Variants in C4orf17 observed in about 807,000 individuals in gnomAD.
C4orf17 encodes uncharacterized protein C4orf17.
Under a neutral mutation model 32.0 loss-of-function variants are expected in C4orf17, and 25 were observed. The ratio of observed to expected loss-of-function variants is 0.78; its 90% CI spans 0.57 to 1.09. The LOEUF (loss-of-function observed/expected upper bound fraction) is 1.09. Among genes scored for constraint, C4orf17 ranks in the 50% least tolerant of loss-of-function variants. The pLI is 0.00. For missense variants in C4orf17, 420 were observed against 420.0 expected, an observed-to-expected ratio of 1.00 and a Z score of 0.00; for synonymous variants, 149 against 145.8, an observed-to-expected ratio of 1.02 and a Z score of -0.16.
intron 2 of C4orf17, among the ~76,000 whole-genome samples, chr4:99,513,649 C>T (rs1723132010): frequency 6.6e-6 from 1 of 152,140 alleles, no homozygotes; most frequent in African/African-American, 2.4e-5. Flanking sequence ...TCCCTCCTTG[C>T]CTCCTGCCCT....
rs1578185220 is a variant in C4orf17, at chr4:99,513,181, C to T, written c.100C>T (p.His34Tyr). ...VSCFLVRHTP[H>Y]PRRVCHIKGL... ...CTGCTTTCTAGTCAGGCACACCCCT[C>T]ATCCCAGAAGAGTCTGCCACATCAA... Residue 34 changes from histidine to tyrosine, a missense_variant, in exon 2 of 9, where the codon CAT becomes TAT. Transcript: ENST00000326581. 6.2e-7 allele frequency: 1 copy of T among 1,613,936 alleles called. No individual in the cohort carries two copies. Among genetic ancestry groups the T allele is most frequent in the Non-Finnish European group, 8.5e-7 (1 of 1,179,844 alleles).
intron 5 of C4orf17, among the ~76,000 whole-genome samples, chr4:99,533,744 G>C (rs1723514304): frequency 6.6e-6 from 1 of 152,160 alleles, no homozygotes; most frequent in Non-Finnish European, 1.5e-5. Flanking sequence ...AGGTATCACA[G>C]AGCTTAGAGT....
rs76817194 is a variant in C4orf17, at chr4:99,513,915, C to T, written c.127+707C>T. ...CTGATGTTTTGAGAGGTACATTTCT[C>T]AAGGTTATGAAATATATGGAAAACA... On this transcript the variant is annotated intron_variant, in intron 2 of 8. Coordinates refer to ENST00000326581, the MANE Select transcript of C4orf17 (RefSeq NM_032149.3). 0.015 allele frequency among the ~76,000 whole-genome samples: 2,289 copies of T among 152,124 alleles called. 409 individuals are homozygous for T. The East Asian group carries it at 0.39, about 26-fold the overall frequency.
Position 99,539,269 on chromosome 4 carries a change from G to GCCACCCACAGTTAAATCA in C4orf17, c.752_769dup (p.Ser251_Lys256dup), listed in dbSNP as rs756177104. On this transcript the variant is annotated inframe_insertion, in exon 7 of 9. Coordinates refer to ENST00000326581, the MANE Select transcript of C4orf17 (RefSeq NM_032149.3). ...TGGAACCAGCAGCAGAGACTGGGAAGCCACCCACAGTTAAATCACCACCCA... is the reference window on the plus strand; with the variant it reads ...TGGAACCAGCAGCAGAGACTGGGAAGCCACCCACAGTTAAATCACCACCCACAGTTAAATCACCACCCA... 1.9e-6 allele frequency: 3 copies of GCCACCCACAGTTAAATCA among 1,614,060 alleles called. No homozygotes were observed. In the South Asian group the frequency reaches 3.3e-5, roughly 18 times the overall value.
At chr4:99,511,434 T>C (rs919516410) in intron 1 of C4orf17, among the ~76,000 whole-genome samples, 162 bp downstream of exon 1, 12 of 151,068 alleles carry the variant, frequency 7.9e-5, no homozygotes, top group Admixed American at 1.3e-4. Context: ...TTTTTTTTTT[T>C]CAAAATTTAA....
chr4:99,533,948 A>G (rs1401853615), intron 5 of C4orf17, among the ~76,000 whole-genome samples: 1 of 152,206 alleles, frequency 6.6e-6, no homozygotes, highest in African/African-American at 2.4e-5. Context: ...CAATATATTA[A>G]TTACGTTCAA....
At chr4:99,522,823 C>T in intron 3 of C4orf17, 114 bp downstream of exon 3, 1 of 744,412 alleles carries the variant, frequency 1.3e-6, no homozygotes, top group Non-Finnish European at 2.2e-6. Flanking sequence ...AGTTTCCTCA[C>T]TGTGAGGAAC....
At chr4:99,515,736 A>T (rs1723169970) in intron 2 of C4orf17, among the ~76,000 whole-genome samples, 1 of 152,120 alleles carries the variant, frequency 6.6e-6, no homozygotes, top group South Asian at 2.1e-4. Flanking sequence ...CATGTAACCA[A>T]AAATCACCTG....
chr4:99,525,286 C>T (rs1363069133), intron 4 of C4orf17, among the ~76,000 whole-genome samples: 1 of 152,304 alleles, frequency 6.6e-6, no homozygotes, highest in East Asian at 1.9e-4. Context: ...TACATTCCCA[C>T]CAGCAGTGTA....
Position 99,529,950 on chromosome 4 carries a change from G to A in C4orf17, c.538G>A (p.Glu180Lys), listed in dbSNP as rs562665798. 2.5e-6 allele frequency: 4 copies of A among 1,606,318 alleles called. No homozygotes were observed. The African/African-American group carries it at 5.4e-5, about 22-fold the overall frequency. Residue 180 changes from glutamate to lysine, a missense_variant, in exon 5 of 9, where the codon GAA (glutamate) becomes AAA (lysine). By Grantham distance (56) the Glu-to-Lys change is moderately conservative. Coordinates refer to ENST00000326581, the MANE Select transcript of C4orf17 (RefSeq NM_032149.3). ...TICIPNYLDQ[E>K]IKILAKLCSI... ...TTGCATACCAAACTATCTGGATCAGGAAATAAAAGTAAGTATCAGGTTTAT... is the reference window on the plus strand; with the variant it reads ...TTGCATACCAAACTATCTGGATCAGAAAATAAAAGTAAGTATCAGGTTTAT...
At chr4:99,523,099 G>A (rs1267457488) in intron 3 of C4orf17, among the ~76,000 whole-genome samples, 6 of 151,992 alleles carry the variant, frequency 3.9e-5, no homozygotes, top group African/African-American at 1.2e-4. Flanking sequence ...TGAGACTGTC[G>A]TCTCCTTAAG....
At chr4:99,516,345 C>T (rs1237082290) in intron 2 of C4orf17, among the ~76,000 whole-genome samples, 3 of 152,148 alleles carry the variant, frequency 2.0e-5, no homozygotes, top group Non-Finnish European at 4.4e-5. Flanking sequence ...AGTCCCAAAC[C>T]TAGAATAGAA....
Position 99,541,827 on chromosome 4 carries a change from T to C in C4orf17, c.881-83T>C, listed in dbSNP as rs1359437133. On this transcript the variant is annotated intron_variant, in intron 8 of 8. Coordinates refer to ENST00000326581, the MANE Select transcript of C4orf17 (RefSeq NM_032149.3). Reference sequence around the variant, plus strand: ...CACCTAAACTTCATATAGTTTTTTATAGATAATTTACTACTAAAACATGGA... The same window carrying C: ...CACCTAAACTTCATATAGTTTTTTACAGATAATTTACTACTAAAACATGGA... 4.1e-6 allele frequency: 4 copies of C among 968,462 alleles called. No individual in the cohort carries two copies. In the African/African-American group the frequency reaches 5.0e-5, roughly 12 times the overall value. 60.0% of individuals were successfully genotyped at this position (968,462 alleles called of 1,614,324 possible). A position where few individuals can be genotyped will look rare whatever the true frequency, so the allele number is the denominator to read the frequency against.
Position 99,529,899 on chromosome 4 carries a change from A to C in C4orf17, c.487A>C (p.Lys163Gln). ...GSCSSGMTST[K>Q]NDVKANTICI... Reference sequence around the variant, plus strand: ...CTGTTCTTCAGGGATGACAAGTACCAAGAATGATGTGAAAGCAAACACCAT... The same window carrying C: ...CTGTTCTTCAGGGATGACAAGTACCCAGAATGATGTGAAAGCAAACACCAT... Residue 163 changes from lysine (K) to glutamine (Q), a missense_variant, in exon 5 of 9, where the codon AAG becomes CAG. Coordinates refer to ENST00000326581, the MANE Select transcript of C4orf17 (RefSeq NM_032149.3). The C allele has an allele frequency of 6.2e-7, 1 of 1,613,232 alleles. No homozygotes were observed. Among genetic ancestry groups the C allele is most frequent in the Non-Finnish European group, 8.5e-7 (1 of 1,179,470 alleles).
At position 99,522,556 on chromosome 4, in the gene C4orf17, T is replaced by C. The variant is rs1723307196; in HGVS notation, c.184T>C (p.Leu62=). 4 of 1,613,834 alleles carry C rather than the reference T, an allele frequency of 2.5e-6. No individual in the cohort carries two copies. In the South Asian group the frequency reaches 4.4e-5, roughly 18 times the overall value. ...TGATGATGAGAATGCATTTGGAACA[T>C]TGTGGGGAGTTGGCCAGTCTAACTA... ...VNDDENAFGT[L]WGVGQSNYLE... Residue 62 remains leucine (L), a synonymous_variant, in exon 3 of 9, where the codon TTG becomes CTG. Transcript: ENST00000326581.
At chr4:99,512,871 T>TGAAA (rs1462394127) in intron 1 of C4orf17, 118 bp from the exon 2 acceptor site, 2 of 525,644 alleles carry the variant, frequency 3.8e-6, no homozygotes, top group Non-Finnish European at 6.7e-6. Flanking sequence ...CAAAATAGCC[T>TGAAA]CACATTGCTG....
At chr4:99,534,215 TTA>T (rs1723523536) in intron 5 of C4orf17, among the ~76,000 whole-genome samples, 1 of 152,204 alleles carries the variant, frequency 6.6e-6, no homozygotes, top group Non-Finnish European at 1.5e-5. Context: ...CAGCTCCCAC[TTA>T]TAAGTGAGAA....
chr4:99,515,285 T>C (rs1723161260), intron 2 of C4orf17, among the ~76,000 whole-genome samples: 1 of 152,088 alleles, frequency 6.6e-6, no homozygotes, highest in Non-Finnish European at 1.5e-5. Flanking sequence ...AGCAAAGACA[T>C]GGACTCAACC....
intron 8 of C4orf17, 31 bp downstream of exon 8, chr4:99,540,486 T>A: frequency 2.0e-6 from 3 of 1,510,066 alleles, no homozygotes; most frequent in African/African-American, 2.7e-5. Context: ...ACTATTGAGT[T>A]GGTATAAAGA....
Sources: allele counts gnomAD v4.1 joint callset (sites outside exome capture counted in the v4.1 genomes callset), GRCh38; gene constraint gnomAD v4.1.1; transcripts MANE v1.5; gene names NCBI Gene and HGNC (gene_info 2026-07-23, HGNC 2026-07-21).